Variants in SMG7 observed in about 807,000 individuals in gnomAD.
SMG7 encodes the protein SMG7 nonsense mediated mRNA decay factor, also known as nonsense-mediated mRNA decay factor SMG7.
In SMG7, 34 loss-of-function variants were observed where a neutral mutation model predicts 148.2. The ratio of observed to expected loss-of-function variants is 0.23; its 90% CI spans 0.17 to 0.31. The LOEUF is 0.31. Ranked by LOEUF, SMG7 falls within the 10% of genes least tolerant of loss-of-function variation. The probability of loss-of-function intolerance (pLI) is 1.00; values close to 1 mark genes in which losing one functional copy is unlikely to be tolerated. For missense variants in SMG7, 1,114 were observed against 1,408.4 expected (o/e 0.79, Z 3.35); for synonymous variants, 492 against 515.1 (o/e 0.96, Z 0.61).
chr1:183,516,466 C>G (rs1254770879), intron 3 of SMG7, among the ~76,000 whole-genome samples: 1 of 152,092 alleles, frequency 6.6e-6, no homozygotes, highest in African/African-American at 2.4e-5. Context: ...CCTCCCCTAC[C>G]CCCAATAAAA....
chr1:183,507,024 A>C (rs1333819111), intron 1 of SMG7, among the ~76,000 whole-genome samples: 4 of 151,828 alleles, frequency 2.6e-5, no homozygotes, highest in Non-Finnish European at 4.4e-5. Flanking sequence ...GACTACGGGT[A>C]CATGCCACCA....
At chr1:183,519,760 A>G (rs991343853) in intron 4 of SMG7, among the ~76,000 whole-genome samples, 2 of 152,136 alleles carry the variant, frequency 1.3e-5, no homozygotes, top group African/African-American at 4.8e-5. Context: ...CCATTTTTGT[A>G]TCTGTTTTAT....
At chr1:183,490,430 A>G (rs921882673) in intron 1 of SMG7, among the ~76,000 whole-genome samples, 4 of 152,206 alleles carry the variant, frequency 2.6e-5, no homozygotes, top group Admixed American at 2.6e-4. Context: ...GACATTTTCT[A>G]TGCAGAAAGC....
At position 183,537,220 on chromosome 1, in the gene SMG7, G is replaced by C. The variant is rs1483731420; in HGVS notation, c.1234+5G>C. 1 of 1,600,370 alleles carries C rather than the reference G, an allele frequency of 6.2e-7. No individual in the cohort carries two copies. The highest frequency in any genetic ancestry group is 8.6e-7 in the Non-Finnish European group (1 of 1,167,776). ...AGGACCTCTCAAGTATTAGTGGTAA[G>C]GGCTACCCTAACCTTGTGTTGTTGA... is the stretch of plus-strand genomic sequence containing the variant. On this transcript the variant is annotated splice_donor_5th_base_variant and intron_variant, in intron 11 of 22. Coordinates refer to ENST00000688051, the MANE Select transcript of SMG7 (RefSeq NM_001375584.1).
chr1:183,546,994 C>T, intron 17 of SMG7, 109 bp from the exon 18 acceptor site: 1 of 1,065,136 alleles, frequency 9.4e-7, no homozygotes, highest in East Asian at 2.6e-5. Flanking sequence ...TACCATCTAT[C>T]TCACTATCCC....
At position 183,549,843 on chromosome 1, in the gene SMG7, C is replaced by T. The variant is rs1485777399; in HGVS notation, c.3053C>T (p.Pro1018Leu). 1.2e-6 allele frequency: 2 copies of T among 1,613,708 alleles called. No individual in the cohort carries two copies. The highest frequency in any genetic ancestry group is 1.7e-6 in the Non-Finnish European group (2 of 1,179,724). The change falls in exon 20 of 23, where the codon CCC becomes CTC. Residue 1018 changes from proline to leucine, a missense_variant. Physicochemically the swap from Pro to Leu is moderately conservative, Grantham distance 98. Transcript: ENST00000688051. ...TCCAGCTCCAAAGCAGAACTCAGTC[C>T]CTCAATGGCCCCCCAGGAAACATCT... ...LTSSSKAELS[P>L]SMAPQETSLY...
chr1:183,502,283 A>G (rs1327526590), intron 1 of SMG7: 1 of 1,533,648 alleles, frequency 6.5e-7, no homozygotes, highest in Non-Finnish European at 8.7e-7. Context: ...CTTATGAGAA[A>G]TTGGATGTTC....
chr1:183,489,072 T>G lies in SMG7; in HGVS notation c.29+16423T>G, dbSNP rs1656271063. 3.3e-5 allele frequency among the ~76,000 whole-genome samples: 5 copies of G among 152,166 alleles called. No homozygotes were observed. In the South Asian group the frequency reaches 8.3e-4, roughly 25 times the overall value. On this transcript the variant is annotated intron_variant, in intron 1 of 22. Coordinates refer to ENST00000688051, the MANE Select transcript of SMG7 (RefSeq NM_001375584.1). Reference sequence around the variant, plus strand: ...ATATCTTTCACGTGTGTTAGATGTTTTCACCGACAGAATCCTGCACAATAG... The same window carrying G: ...ATATCTTTCACGTGTGTTAGATGTTGTCACCGACAGAATCCTGCACAATAG...
intron 1 of SMG7, among the ~76,000 whole-genome samples, chr1:183,484,446 C>T (rs1477762906): frequency 6.6e-6 from 1 of 151,534 alleles, no homozygotes; most frequent in African/African-American, 2.4e-5. Flanking sequence ...CCACAATAAC[C>T]CTCATGCTTT....
chr1:183,472,662 G>A lies in SMG7; in HGVS notation c.29+13G>A. 6.8e-7 allele frequency: 1 copy of A among 1,468,416 alleles called. No homozygotes were observed. The highest frequency in any genetic ancestry group is 1.3e-5 in the South Asian group (1 of 75,088). The allele number at this position is 1,468,416 out of a possible 1,614,324, so 91.0% of individuals were successfully genotyped here. ...CGCAGTACCTCCGGTGAGTGCCGAGGCCGGGCTGGTACGTAGGGGGAGCGG... is the reference window on the plus strand; with the variant it reads ...CGCAGTACCTCCGGTGAGTGCCGAGACCGGGCTGGTACGTAGGGGGAGCGG... On this transcript the variant is annotated intron_variant, in intron 1 of 22. Coordinates refer to ENST00000688051, the MANE Select transcript of SMG7 (RefSeq NM_001375584.1).
At chr1:183,513,180 C>A (rs1369735065) in intron 2 of SMG7, 5 of 249,122 alleles carry the variant, frequency 2.0e-5, no homozygotes, top group Admixed American at 5.5e-5. Flanking sequence ...AATAACATAC[C>A]CCATATAAAC....
intron 6 of SMG7, among the ~76,000 whole-genome samples, chr1:183,528,522 C>G (rs115720150): frequency 1.2e-3 from 181 of 152,232 alleles, no homozygotes; most frequent in African/African-American, 4.3e-3. Context: ...TAGAAAGAGT[C>G]TAAAGCAGGG....
At chr1:183,503,434 T>A (rs369898981) in intron 1 of SMG7, among the ~76,000 whole-genome samples, 1 of 152,198 alleles carries the variant, frequency 6.6e-6, no homozygotes, top group Non-Finnish European at 1.5e-5. Flanking sequence ...AAAAATAACA[T>A]CCTGACTCAA....
chr1:183,472,676 T>C, intron 1 of SMG7, 27 bp downstream of exon 1: 1 of 1,456,306 alleles, frequency 6.9e-7, no homozygotes, highest in Non-Finnish European at 9.1e-7. Context: ...GGCTGGTACG[T>C]AGGGGGAGCG....
At chr1:183,533,355 A>G (rs1486506091) in intron 9 of SMG7, 29 bp downstream of exon 9, 11 of 1,596,512 alleles carry the variant, frequency 6.9e-6, no homozygotes, top group South Asian at 2.2e-5. Flanking sequence ...AACATGTGCC[A>G]TCTTTTTTGA....
chr1:183,501,576 G>C (rs928107424), intron 1 of SMG7, among the ~76,000 whole-genome samples: 1 of 152,136 alleles, frequency 6.6e-6, no homozygotes, highest in East Asian at 1.9e-4. Flanking sequence ...CTTGTGACTT[G>C]ATTTACACCT....
intron 10 of SMG7, among the ~76,000 whole-genome samples, chr1:183,534,860 G>C (rs1422746786): frequency 6.6e-6 from 1 of 150,846 alleles, no homozygotes; most frequent in Non-Finnish European, 1.5e-5. Context: ...AAAAAAAAAA[G>C]AAAGACCTTA....
intron 4 of SMG7, among the ~76,000 whole-genome samples, chr1:183,522,423 G>A (rs1214306003): frequency 6.6e-6 from 1 of 152,210 alleles, no homozygotes; most frequent in Non-Finnish European, 1.5e-5. Flanking sequence ...GCCCTGTTGA[G>A]TGCTGCTGAG....
rs895622792 is a variant in SMG7, at chr1:183,526,906, T to C, written c.484+139T>C. 3 of 638,852 alleles carry C rather than the reference T, an allele frequency of 4.7e-6. No homozygotes were observed. The African/African-American group carries it at 5.6e-5, about 12-fold the overall frequency. The allele number at this position is 638,852 out of a possible 1,614,324, so 39.6% of individuals were successfully genotyped here. ...TAAGAAGAAACTATAAAATGTATTC[T>C]AAGGAACTTAAAATTTCTCAATATT... On this transcript the variant is annotated intron_variant, in intron 5 of 22. Coordinates refer to ENST00000688051, the MANE Select transcript of SMG7 (RefSeq NM_001375584.1).
Sources: gnomAD v4.1 joint callset for allele counts (sites outside exome capture counted in the v4.1 genomes callset) on GRCh38, gnomAD v4.1.1 for gene constraint, MANE v1.5 for transcripts, NCBI Gene and HGNC (gene_info 2026-07-23, HGNC 2026-07-21) for gene names.